Variants in KIF26B observed in about 807,000 individuals in gnomAD.
KIF26B encodes kinesin family member 26B, also known as kinesin-like protein KIF26B.
KIF26B carries 63 observed loss-of-function variants against 151.2 expected under a neutral mutation model. The observed-to-expected ratio is 0.42, with a 90% CI of 0.34 to 0.51. The LOEUF (loss-of-function observed/expected upper bound fraction) is 0.51, where lower values mean the gene tolerates loss of function less well. KIF26B is among the 20% of genes least tolerant of loss of function. The probability of loss-of-function intolerance (pLI) is 0.07; values close to 1 mark genes in which losing one functional copy is unlikely to be tolerated. For synonymous variants in KIF26B, 1,357 were observed against 1,262.1 expected, an observed-to-expected ratio of 1.08 and a Z score of -1.59; for missense variants, 2,813 against 2,913.6, an observed-to-expected ratio of 0.97 and a Z score of 0.79.
chr1:245,383,476 T>C (rs1387587056), intron 3 of KIF26B, among the ~76,000 whole-genome samples: 2 of 152,220 alleles, frequency 1.3e-5, no homozygotes, highest in African/African-American at 4.8e-5. Flanking sequence ...GAGTTTCTGT[T>C]CAAGACAACG....
intron 2 of KIF26B, among the ~76,000 whole-genome samples, chr1:245,298,536 G>A (rs560614615): frequency 6.6e-6 from 1 of 152,336 alleles, no homozygotes; most frequent in South Asian, 2.1e-4. Flanking sequence ...TTGGGAAAGT[G>A]AAAAAGTTCT....
intron 4 of KIF26B, among the ~76,000 whole-genome samples, chr1:245,471,427 C>T (rs111461650): frequency 1.3e-3 from 196 of 152,210 alleles, no homozygotes; most frequent in African/African-American, 4.3e-3. Flanking sequence ...AGCTACCACA[C>T]CTGGCCTGAT....
intron 5 of KIF26B, among the ~76,000 whole-genome samples, chr1:245,543,773 C>A (rs1661676340): frequency 6.6e-6 from 1 of 152,104 alleles, no homozygotes; most frequent in Non-Finnish European, 1.5e-5. Context: ...CATGGTGAAA[C>A]CCCGTCTCTA....
At chr1:245,611,499 G>C (rs1254271938) in intron 8 of KIF26B, among the ~76,000 whole-genome samples, 3 of 152,190 alleles carry the variant, frequency 2.0e-5, no homozygotes, top group Non-Finnish European at 2.9e-5. Context: ...TGAGCCATCT[G>C]CTCCCAGCTT....
intron 2 of KIF26B, among the ~76,000 whole-genome samples, chr1:245,176,273 A>G (rs1668807826): frequency 6.7e-6 from 1 of 149,930 alleles, no homozygotes. Context: ...TGCTGGGATT[A>G]CAGGCGTGAG....
At chr1:245,627,649 T>G (rs149796656) in intron 9 of KIF26B, among the ~76,000 whole-genome samples, 1 of 146,360 alleles carries the variant, frequency 6.8e-6, no homozygotes, top group Admixed American at 6.8e-5. Context: ...ACTGAAGGAG[T>G]TGGAGATGCG....
At chr1:245,596,958 T>C (rs1247008858) in intron 5 of KIF26B, among the ~76,000 whole-genome samples, 2 of 152,170 alleles carry the variant, frequency 1.3e-5, no homozygotes, top group African/African-American at 4.8e-5. Context: ...ACCGCAACCC[T>C]TGCTTTTTTT....
intron 9 of KIF26B, among the ~76,000 whole-genome samples, chr1:245,629,145 T>C (rs1446283210): frequency 2.0e-5 from 3 of 152,160 alleles, no homozygotes; most frequent in African/African-American, 7.2e-5. Context: ...ATAGGAAGAA[T>C]CAATATCGTG....
At chr1:245,472,200 A>G (rs1659930967) in intron 4 of KIF26B, among the ~76,000 whole-genome samples, 1 of 152,228 alleles carries the variant, frequency 6.6e-6, no homozygotes, top group African/African-American at 2.4e-5. Context: ...GAGGGAGAGC[A>G]CCAGGCCTGT....
chr1:245,432,315 G>A (rs996126124), intron 4 of KIF26B, among the ~76,000 whole-genome samples: 9 of 152,030 alleles, frequency 5.9e-5, no homozygotes, highest in South Asian at 2.1e-4. Context: ...AGATGTTTTC[G>A]GGGGATAGCA....
intron 2 of KIF26B, among the ~76,000 whole-genome samples, chr1:245,294,765 C>T (rs185840386): frequency 8.3e-4 from 126 of 152,222 alleles, no homozygotes; most frequent in Non-Finnish European, 1.1e-3. Context: ...CGGGTTCAAG[C>T]AATTCTCCTG....
rs192677344 is a variant in KIF26B at position 245,332,584 on chromosome 1, C to T, written c.466-34250C>T. Among the ~76,000 whole-genome samples the T allele has an allele frequency of 2.0e-3, 303 of 152,190 alleles. No homozygotes were observed. In the Middle Eastern group the frequency reaches 0.02, roughly 10 times the overall value. On this transcript the variant is annotated intron_variant, in intron 2 of 14. Transcript: ENST00000407071. ...AGCCTCCACCTTTGTCTTGCCTTTC[C>T]CCCCACCACTTACTCCCACCCCCAC... is the stretch of plus-strand genomic sequence containing the variant.
chr1:245,382,559 T>C (rs1045930528), intron 3 of KIF26B, among the ~76,000 whole-genome samples: 3 of 139,460 alleles, frequency 2.2e-5, no homozygotes, highest in Admixed American at 2.1e-4. Flanking sequence ...GTGTGTTTTG[T>C]TTCTTGTTTT....
chr1:245,586,158 A>AGTGTGTGT (rs10526699), intron 5 of KIF26B, among the ~76,000 whole-genome samples: 2,540 of 142,144 alleles, frequency 0.018, 51 homozygotes, highest in African/African-American at 0.054. Context: ...CACCATGACC[A>AGTGTGTGT]GTGTGTGTGT....
chr1:245,460,715 A>C (rs184964986), intron 4 of KIF26B, among the ~76,000 whole-genome samples: 31 of 152,368 alleles, frequency 2.0e-4, no homozygotes, highest in Non-Finnish European at 4.1e-4. Context: ...CCAGCGGCAG[A>C]GGACCTCAGG....
intron 2 of KIF26B, among the ~76,000 whole-genome samples, chr1:245,174,268 G>A (rs1668764245): frequency 6.6e-6 from 1 of 152,176 alleles, no homozygotes; most frequent in Non-Finnish European, 1.5e-5. Context: ...TATTTATATG[G>A]CTGCGTTCTT....
chr1:245,542,602 G>T (rs376120649), intron 5 of KIF26B, among the ~76,000 whole-genome samples: 1 of 152,240 alleles, frequency 6.6e-6, no homozygotes, highest in South Asian at 2.1e-4. Flanking sequence ...GGACTCAGTG[G>T]GTGGGAGCCC....
chr1:245,328,064 C>T (rs1157950830), intron 2 of KIF26B, among the ~76,000 whole-genome samples: 1 of 152,064 alleles, frequency 6.6e-6, no homozygotes, highest in Non-Finnish European at 1.5e-5. Context: ...CTGTCACGGC[C>T]TGTCAGGAGA....
intron 10 of KIF26B, among the ~76,000 whole-genome samples, chr1:245,683,502 G>A (rs1026951726): frequency 1.3e-5 from 2 of 152,132 alleles, no homozygotes; most frequent in Non-Finnish European, 2.9e-5. Flanking sequence ...AACACTCCCT[G>A]CAAACCCCAG....
Sources: gnomAD v4.1 joint callset for allele counts (sites outside exome capture counted in the v4.1 genomes callset) on GRCh38, gnomAD v4.1.1 for gene constraint, MANE v1.5 for transcripts, NCBI Gene and HGNC (gene_info 2026-07-23, HGNC 2026-07-21) for gene names.